The following PACS1 variants were observed in gnomAD, a reference collection of about 807,000 sequenced individuals.
PACS1 encodes phosphofurin acidic cluster sorting protein 1.
A neutral mutation model predicts 115.0 loss-of-function variants in PACS1; 24 were observed. The observed-to-expected ratio is 0.21, with a 90% CI of 0.15 to 0.29. The LOEUF (loss-of-function observed/expected upper bound fraction) is 0.29, where lower values mean the gene tolerates loss of function less well. Among genes scored for constraint, PACS1 ranks in the 10% least tolerant of loss-of-function variants. The pLI is 1.00. For missense variants in PACS1, 838 were observed against 1,251.2 expected, an observed-to-expected ratio of 0.67 and a Z score of 4.98; for synonymous variants, 453 against 504.5, an observed-to-expected ratio of 0.90 and a Z score of 1.37.
Position 66,147,596 on chromosome 11 carries a change from A to G in PACS1, c.357-45890A>G, listed in dbSNP as rs1030255785. On this transcript the variant is annotated intron_variant, in intron 1 of 23. Transcript: ENST00000320580. ...TGTAGGTAAACATAAGAAATTTTCTAATGTTGTAATTTTTCTAAATGGTAA... is the reference window on the plus strand; with the variant it reads ...TGTAGGTAAACATAAGAAATTTTCTGATGTTGTAATTTTTCTAAATGGTAA... Among the ~76,000 whole-genome samples the G allele has an allele frequency of 2.6e-5, 4 of 152,238 alleles. No individual in the cohort carries two copies. The East Asian group carries it at 7.7e-4, about 29-fold the overall frequency.
In PACS1 at chr11:66,186,500, G is replaced by A. The variant is rs566769202; in HGVS notation, c.357-6986G>A. Among the ~76,000 whole-genome samples, 26 of 152,170 alleles carry A rather than the reference G, an allele frequency of 1.7e-4. No homozygotes were observed. In the East Asian group the frequency reaches 3.1e-3, roughly 18 times the overall value. The stretch of plus-strand genomic sequence containing the variant: ...CCCCGCTCTCCTCTGCCTCTTGCTC[G>A]CAATACCTAGCTCTATTTTCACACA... On this transcript the variant is annotated intron_variant, in intron 1 of 23. Coordinates refer to ENST00000320580, the MANE Select transcript of PACS1 (RefSeq NM_018026.4).
intron 1 of PACS1, among the ~76,000 whole-genome samples, chr11:66,089,726 G>T (rs1169367146): frequency 6.6e-6 from 1 of 151,726 alleles, no homozygotes; most frequent in East Asian, 1.9e-4. Flanking sequence ...GCCATTGGTG[G>T]CTGGGCGCGA....
chr11:66,094,807 G>A (rs1031350880), intron 1 of PACS1, among the ~76,000 whole-genome samples: 5 of 152,140 alleles, frequency 3.3e-5, no homozygotes, highest in Admixed American at 2.6e-4. Flanking sequence ...ATAAAATACT[G>A]GCAAACCGAA....
intron 2 of PACS1, among the ~76,000 whole-genome samples, chr11:66,208,188 G>A (rs1366027832): frequency 6.6e-6 from 1 of 152,194 alleles, no homozygotes; most frequent in Non-Finnish European, 1.5e-5. Context: ...GAGTGGCTGA[G>A]GCGTTTTTCC....
intron 1 of PACS1, among the ~76,000 whole-genome samples, chr11:66,163,350 CAAA>C (rs1231541629): frequency 2.8e-4 from 16 of 58,002 alleles, no homozygotes; most frequent in East Asian, 6.0e-4. Flanking sequence ...GACCCTGTCT[CAAA>C]AAAAAAAAAA....
intron 1 of PACS1, among the ~76,000 whole-genome samples, chr11:66,132,345 T>G (rs551706266): frequency 3.0e-4 from 45 of 152,288 alleles, no homozygotes; most frequent in African/African-American, 1.1e-3. Context: ...CCCTACCTTG[T>G]GGAACTGCGA....
At chr11:66,072,090 T>C (rs760270606) in intron 1 of PACS1, among the ~76,000 whole-genome samples, 4 of 152,212 alleles carry the variant, frequency 2.6e-5, no homozygotes, top group Non-Finnish European at 5.9e-5. Context: ...ACATAATGCA[T>C]CTCTATATAT....
At chr11:66,201,003 G>C (rs1381427979) in intron 2 of PACS1, among the ~76,000 whole-genome samples, 1 of 152,062 alleles carries the variant, frequency 6.6e-6, no homozygotes. Context: ...GGTGGATCAT[G>C]AGATCAGGAG....
At chr11:66,082,659 A>C (rs1857506135) in intron 1 of PACS1, among the ~76,000 whole-genome samples, 1 of 152,082 alleles carries the variant, frequency 6.6e-6, no homozygotes, top group South Asian at 2.1e-4. Flanking sequence ...GTCAGGAGTT[A>C]CCTGGCCAAC....
intron 9 of PACS1, 139 bp from the exon 10 acceptor site, chr11:66,221,015 C>A: frequency 1.1e-6 from 1 of 907,164 alleles, no homozygotes; most frequent in Non-Finnish European, 1.8e-6. Context: ...CTCCTCTTCA[C>A]CCTGCACTTC....
intron 1 of PACS1, among the ~76,000 whole-genome samples, chr11:66,150,628 ATGTTT>A (rs1251083897): frequency 6.6e-6 from 1 of 152,214 alleles, no homozygotes; most frequent in African/African-American, 2.4e-5. Context: ...TTACTTTTAA[ATGTTT>A]TGTTTATAGC....
intron 1 of PACS1, among the ~76,000 whole-genome samples, chr11:66,175,336 GT>G (rs1859831526): frequency 6.6e-6 from 1 of 152,070 alleles, no homozygotes; most frequent in African/African-American, 2.4e-5. Context: ...ACAGTAATAT[GT>G]TTGATTGTGG....
Position 66,183,614 on chromosome 11 carries a change from A to G in PACS1, c.357-9872A>G, listed in dbSNP as rs1026606801. Among the ~76,000 whole-genome samples, 3 of 152,322 alleles carry G rather than the reference A, an allele frequency of 2.0e-5. No individual in the cohort carries two copies. The East Asian group carries it at 5.8e-4, about 29-fold the overall frequency. ...CAGTGTAGGACAGGCAAGCCCCAGA[A>G]TTGGGGCTTAGCCCAGGAAGGTTCT... On this transcript the variant is annotated intron_variant, in intron 1 of 23. Coordinates refer to ENST00000320580, the MANE Select transcript of PACS1 (RefSeq NM_018026.4).
chr11:66,215,366 G>A (rs964526328), intron 4 of PACS1, among the ~76,000 whole-genome samples: 2 of 151,368 alleles, frequency 1.3e-5, no homozygotes, highest in African/African-American at 4.8e-5. Flanking sequence ...ACTTTGGGAG[G>A]CCAAGGCAGG....
chr11:66,210,536 C>A, intron 3 of PACS1, 85 bp downstream of exon 3: 1 of 981,670 alleles, frequency 1.0e-6, no homozygotes, highest in Non-Finnish European at 1.6e-6. Context: ...ACTGTTTTAT[C>A]CCAGAGCCCC....
intron 1 of PACS1, among the ~76,000 whole-genome samples, chr11:66,112,830 A>C (rs766245819): frequency 6.6e-6 from 1 of 152,188 alleles, no homozygotes; most frequent in Admixed American, 6.5e-5. Context: ...AAAGAACCCA[A>C]ATGCCCATCA....
At chr11:66,093,844 G>A (rs1312884841) in intron 1 of PACS1, among the ~76,000 whole-genome samples, 1 of 152,144 alleles carries the variant, frequency 6.6e-6, no homozygotes, top group Non-Finnish European at 1.5e-5. Flanking sequence ...ATAACAAACT[G>A]TCTCTCAGAC....
chr11:66,178,592 G>A (rs949195662), intron 1 of PACS1, among the ~76,000 whole-genome samples: 2 of 151,808 alleles, frequency 1.3e-5, no homozygotes, highest in African/African-American at 4.8e-5. Context: ...TGTTTTAAAT[G>A]TTTACTTAGT....
intron 1 of PACS1, among the ~76,000 whole-genome samples, chr11:66,175,160 T>C (rs1859825529): frequency 7.5e-6 from 1 of 133,482 alleles, no homozygotes; most frequent in African/African-American, 3.4e-5. Flanking sequence ...AAACTCTGTC[T>C]GAAAAAAAAA....
Sources: gnomAD v4.1 joint callset for allele counts (sites outside exome capture counted in the v4.1 genomes callset) on GRCh38, gnomAD v4.1.1 for gene constraint, MANE v1.5 for transcripts, NCBI Gene and HGNC (gene_info 2026-07-23, HGNC 2026-07-21) for gene names.